KCNT1: variants seen among roughly 807,000 people sequenced by gnomAD.
The protein encoded by KCNT1 is potassium channel subfamily T member 1.
A neutral mutation model predicts 147.8 loss-of-function variants in KCNT1; 78 were observed. The observed-to-expected ratio is 0.53, with a 90% CI of 0.44 to 0.64. KCNT1 has a LOEUF of 0.64. KCNT1 is among the 30% of genes least tolerant of loss of function. The probability of loss-of-function intolerance (pLI) is 0.00; values close to 1 mark genes in which losing one functional copy is unlikely to be tolerated. For synonymous variants in KCNT1, 867 were observed against 748.8 expected (o/e 1.16, Z -2.58); for missense variants, 1,419 against 1,750.3 (o/e 0.81, Z 3.38).
chr9:135,753,815 T>G, intron 4 of KCNT1, 122 bp from the exon 5 acceptor site: 1 of 948,126 alleles, frequency 1.1e-6, no homozygotes, highest in South Asian at 1.4e-5. Context: ...ATGTGGGGGT[T>G]AGCCCCGGGT....
At chr9:135,774,843 C>T (rs1465805407) in intron 19 of KCNT1, among the ~76,000 whole-genome samples, 1 of 151,788 alleles carries the variant, frequency 6.6e-6, no homozygotes, top group African/African-American at 2.4e-5. Context: ...TGAGCCCCAC[C>T]GCCACCCCCT....
rs1772426035 is a variant in KCNT1, at chr9:135,792,409, CTT to C, written c.*250_*251del. Reference sequence around the variant, plus strand: ...TTACACGTCGATGCAGTCCACTTCTCTTTACACAGATGTACCGCAACTCGTGA... The same window carrying C: ...TTACACGTCGATGCAGTCCACTTCTCTACACAGATGTACCGCAACTCGTGA... On this transcript the variant is annotated 3_prime_UTR_variant, in exon 31 of 31. Coordinates refer to ENST00000371757, the MANE Select transcript of KCNT1 (RefSeq NM_020822.3). The C allele has an allele frequency of 2.4e-6, 1 of 414,298 alleles. No homozygotes were observed. Among genetic ancestry groups the C allele is most frequent in the South Asian group, 2.5e-5 (1 of 39,762 alleles). The allele number at this position is 414,298 out of a possible 1,614,324, so 25.7% of individuals were successfully genotyped here.
In KCNT1 at chr9:135,750,173, A is replaced by T; in HGVS notation, c.330A>T (p.Arg110Ser). ...RLKLFFIKNQRSSLRIRLFNF... is the reference protein window; with the variant it reads ...RLKLFFIKNQSSSLRIRLFNF... ...AGCTGTTCTTCATCAAAAACCAAAGATCGAGTGAGTGGGGTGCCTGGAGGG... is the reference window on the plus strand; with the variant it reads ...AGCTGTTCTTCATCAAAAACCAAAGTTCGAGTGAGTGGGGTGCCTGGAGGG... Residue 110 changes from arginine (R) to serine (S), a missense_variant, in exon 3 of 31, where the codon AGA becomes AGT. Physicochemically the swap from Arg to Ser is moderately radical, Grantham distance 110 (BLOSUM62 -1). Around this residue, in one of 5 missense-constraint regions of KCNT1, gnomAD observed 401 missense variants for 610.6 expected, o/e 0.66. Transcript: ENST00000371757. 6.2e-7 allele frequency: 1 copy of T among 1,611,434 alleles called. No homozygotes were observed. Among genetic ancestry groups the T allele is most frequent in the Non-Finnish European group, 8.5e-7 (1 of 1,178,490 alleles).
At chr9:135,770,761 C>G in intron 17 of KCNT1, 96 bp from the exon 18 acceptor site, 2 of 1,213,552 alleles carry the variant, frequency 1.6e-6, no homozygotes, top group Non-Finnish European at 2.3e-6. Context: ...ACGCGGAGCT[C>G]CGGTGGGGAC....
intron 2 of KCNT1, among the ~76,000 whole-genome samples, chr9:135,721,168 GCT>G (rs1349252726): frequency 6.6e-6 from 1 of 152,080 alleles, no homozygotes; most frequent in African/African-American, 2.4e-5. Context: ...GGCCCCCAAC[GCT>G]CTCGGCCTGA....
intron 2 of KCNT1, chr9:135,742,900 C>A: frequency 1.4e-6 from 1 of 704,014 alleles, no homozygotes; most frequent in East Asian, 2.7e-5. Context: ...GGGGTCCCCT[C>A]AACCCAGCAT....
intron 2 of KCNT1, among the ~76,000 whole-genome samples, chr9:135,744,132 C>T (rs1218973430): frequency 3.9e-5 from 6 of 152,242 alleles, no homozygotes; most frequent in Non-Finnish European, 8.8e-5. Context: ...GGCCCCGAGG[C>T]GTGTGCCTGA....
intron 13 of KCNT1, chr9:135,768,344 T>TGGCG (rs1554774208): frequency 7.9e-3 from 202 of 25,658 alleles, no homozygotes; most frequent in East Asian, 0.02. Context: ...TGATGTGGGT[T>TGGCG]GGGGGGGGGG....
intron 2 of KCNT1, among the ~76,000 whole-genome samples, chr9:135,740,139 C>T (rs1278651708): frequency 6.6e-6 from 1 of 152,112 alleles, no homozygotes; most frequent in Non-Finnish European, 1.5e-5. Context: ...CCCTCATGGC[C>T]TCACTTTACC....
Position 135,730,252 on chromosome 9 carries a change from G to A in KCNT1, c.254+15532G>A, listed in dbSNP as rs944734579. ...GGACTCCCCCTTCGGAGCATCAGGT[G>A]TGGACCCATGGAGTTCCGTGGACCT... On this transcript the variant is annotated intron_variant, in intron 2 of 30. Transcript: ENST00000371757. The surrounding 1 kb of genome is among the most constrained non-coding windows in gnomAD (Gnocchi z 4.7). 1.3e-5 allele frequency among the ~76,000 whole-genome samples: 2 copies of A among 152,178 alleles called. No homozygotes were observed. The highest frequency in any genetic ancestry group is 6.5e-5 in the Admixed American group (1 of 15,284).
At chr9:135,741,276 G>C (rs1056216255) in intron 2 of KCNT1, among the ~76,000 whole-genome samples, 2 of 152,204 alleles carry the variant, frequency 1.3e-5, no homozygotes, top group African/African-American at 4.8e-5. Context: ...GACGCGGCCA[G>C]GGAGCACCTG....
chr9:135,780,300 G>A (rs1307877886), intron 24 of KCNT1, among the ~76,000 whole-genome samples: 1 of 152,230 alleles, frequency 6.6e-6, no homozygotes, highest in East Asian at 1.9e-4. Flanking sequence ...GGTCTGGGCT[G>A]AAGTCCTCAT....
chr9:135,736,146 C>G lies in KCNT1; in HGVS notation c.255-13952C>G, dbSNP rs1830326810. The stretch of plus-strand genomic sequence containing the variant: ...GGACCCTGGTGAGGACAGGCAAACT[C>G]AGCCATCACCCCCCTGGCCAGGGTA... On this transcript the variant is annotated intron_variant, in intron 2 of 30. Transcript: ENST00000371757. Among the ~76,000 whole-genome samples, 4 of 152,296 alleles carry G rather than the reference C, an allele frequency of 2.6e-5. No individual in the cohort carries two copies. In the South Asian group the frequency reaches 8.3e-4, roughly 32 times the overall value.
Position 135,793,647 on chromosome 9 carries a change from G to GACA in KCNT1, c.*1490_*1492dup, listed in dbSNP as rs1564404609. 1 of 152,444 alleles carries GACA rather than the reference G, an allele frequency of 6.6e-6. No individual in the cohort carries two copies. The highest frequency in any genetic ancestry group is 1.9e-4 in the East Asian group (1 of 5,198). The allele number at this position is 152,444 out of a possible 1,614,324, so 9.4% of individuals were successfully genotyped here. A position where few individuals can be genotyped will look rare whatever the true frequency, so the allele number is the denominator to read the frequency against. The stretch of plus-strand genomic sequence containing the variant: ...GCAGCCCCTCCCCGGTGTCAGGGCA[G>GACA]ACAACACAGCAGCTGCTGGAGGGGC... On this transcript the variant is annotated 3_prime_UTR_variant, in exon 31 of 31. Coordinates refer to ENST00000371757, the MANE Select transcript of KCNT1 (RefSeq NM_020822.3).
In KCNT1 at chr9:135,786,561, C is replaced by T. The variant is rs778311242; in HGVS notation, c.3502+40C>T. On this transcript the variant is annotated intron_variant, in intron 29 of 30. Transcript: ENST00000371757. ...CGCGGGTGGGGGCCGGACGGACGGA[C>T]TGGGCCAGGGTCGGGCCACAGCCAA... The T allele has an allele frequency of 7.9e-6, 12 of 1,519,220 alleles. No individual in the cohort carries two copies. The Admixed American group carries it at 9.3e-5, about 12-fold the overall frequency. 94.1% of individuals were successfully genotyped at this position (1,519,220 alleles called of 1,614,324 possible). A position where few individuals can be genotyped will look rare whatever the true frequency, so the allele number is the denominator to read the frequency against.
At chr9:135,756,750 G>T in intron 6 of KCNT1, 123 bp from the exon 7 acceptor site, 1 of 830,346 alleles carries the variant, frequency 1.2e-6, no homozygotes, top group Non-Finnish European at 2.1e-6. Flanking sequence ...TGGGAGTGAG[G>T]GTCAAGGCAG....
At chr9:135,773,604 C>T (rs1367773111) in intron 19 of KCNT1, among the ~76,000 whole-genome samples, 1 of 152,288 alleles carries the variant, frequency 6.6e-6, no homozygotes, top group Non-Finnish European at 1.5e-5. Context: ...CCACTCTGTT[C>T]TCAGCAGCTT....
intron 2 of KCNT1, among the ~76,000 whole-genome samples, chr9:135,721,753 C>T (rs1835933955): frequency 6.6e-6 from 1 of 152,200 alleles, no homozygotes; most frequent in Non-Finnish European, 1.5e-5. Flanking sequence ...TTCTCCAGTC[C>T]CTTTCCAGCT....
Position 135,757,356 on chromosome 9 carries a change from C to T in KCNT1, c.734C>T (p.Ala245Val), listed in dbSNP as rs1353434991. ...CCCGTCTTTCTGAACTGCTGGCTGG[C>T]CAAGCACGCGCTGGAAAACATGATT... is the stretch of plus-strand genomic sequence containing the variant. ...FIPVFLNCWL[A>V]KHALENMIND... The change falls in exon 9 of 31, where the codon GCC becomes GTC. Residue 245 changes from alanine (A) to valine (V), a missense_variant. Ala to Val is a moderately conservative substitution (Grantham distance 64). This residue lies in a region of KCNT1 where 401 missense variants were observed against 610.6 expected (regional missense o/e 0.66). Coordinates refer to ENST00000371757, the MANE Select transcript of KCNT1 (RefSeq NM_020822.3). 6.2e-7 allele frequency: 1 copy of T among 1,610,212 alleles called. No homozygotes were observed. Among genetic ancestry groups the T allele is most frequent in the Non-Finnish European group, 8.5e-7 (1 of 1,179,940 alleles).
Sources: gnomAD v4.1 joint callset for allele counts (sites outside exome capture counted in the v4.1 genomes callset) on GRCh38, gnomAD v4.1.1 for gene constraint, gnomAD v4.1.1 regional missense constraint, Gnocchi (gnomAD v3.1) non-coding constraint, MANE v1.5 for transcripts, NCBI Gene and HGNC (gene_info 2026-07-23, HGNC 2026-07-21) for gene names.